SLC24A2: variants seen among roughly 807,000 people sequenced by gnomAD.
The protein encoded by SLC24A2 is solute carrier family 24 member 2.
Under a neutral mutation model 62.0 loss-of-function variants are expected in SLC24A2, and 36 were observed. The ratio of observed to expected loss-of-function variants is 0.58; its 90% CI spans 0.44 to 0.77. The LOEUF (loss-of-function observed/expected upper bound fraction) is 0.77. SLC24A2 is among the 30% of genes least tolerant of loss of function. The pLI, the probability that SLC24A2 is intolerant of heterozygous loss-of-function variation, is 0.00. For synonymous variants in SLC24A2, 358 were observed against 294.0 expected, an observed-to-expected ratio of 1.22 and a Z score of -2.23; for missense variants, 846 against 817.9, an observed-to-expected ratio of 1.03 and a Z score of -0.42.
At chr9:20,118,492 A>C in the SLC24A2 span, among the ~76,000 whole-genome samples, 2 of 152,120 alleles carry the variant, frequency 1.3e-5, no homozygotes, top group Non-Finnish European at 2.9e-5. Context: ...TTTGTTGGAC[A>C]TTGTGGATTC....
chr9:19,821,650 A>G, the SLC24A2 span, among the ~76,000 whole-genome samples: 1 of 152,064 alleles, frequency 6.6e-6, no homozygotes, highest in Non-Finnish European at 1.5e-5. Context: ...TCTATTTCTT[A>G]GATCAGAATT....
chr9:19,642,876 T>A (rs570053332), intron 2 of SLC24A2, among the ~76,000 whole-genome samples: 1 of 151,496 alleles, frequency 6.6e-6, no homozygotes, highest in Admixed American at 6.6e-5. Context: ...GAGACGGGGT[T>A]TCACCGTGTT....
At chr9:19,631,037 C>G (rs1000712525) in intron 2 of SLC24A2, among the ~76,000 whole-genome samples, 8 of 152,164 alleles carry the variant, frequency 5.3e-5, no homozygotes, top group Non-Finnish European at 7.4e-5. Flanking sequence ...CCACTTCCTC[C>G]CTAGTTCATT....
At chr9:20,257,879 G>A in the SLC24A2 span, among the ~76,000 whole-genome samples, 1 of 152,160 alleles carries the variant, frequency 6.6e-6, no homozygotes, top group African/African-American at 2.4e-5. Flanking sequence ...CAGAAACAGT[G>A]TTTTCCATGA....
At chr9:19,523,733 G>A (rs1833304002) in intron 9 of SLC24A2, among the ~76,000 whole-genome samples, 1 of 152,284 alleles carries the variant, frequency 6.6e-6, no homozygotes, top group East Asian at 1.9e-4. Context: ...AAAGTGCTGG[G>A]ATTGCAGGGG....
chr9:20,063,653 T>A, the SLC24A2 span, among the ~76,000 whole-genome samples: 1 of 151,638 alleles, frequency 6.6e-6, no homozygotes, highest in Admixed American at 6.6e-5. Context: ...AATAAAAAAA[T>A]AAAAATAAAA....
Position 19,518,108 on chromosome 9 carries a change from T to A in SLC24A2, c.1737-1706A>T, listed in dbSNP as rs530207882. Among the ~76,000 whole-genome samples, 18 of 152,298 alleles carry A rather than the reference T, an allele frequency of 1.2e-4. No individual in the cohort carries two copies. In the South Asian group the frequency reaches 1.9e-3, roughly 16 times the overall value. ...AAATAACTGAAAATGCAGATTAAACTTTACTCAGAAAATGATCATTTCAGT... is the reference window on the plus strand; with the variant it reads ...AAATAACTGAAAATGCAGATTAAACATTACTCAGAAAATGATCATTTCAGT... On this transcript the variant is annotated intron_variant, in intron 10 of 10. Transcript: ENST00000341998.
At chr9:19,862,976 T>A in the SLC24A2 span, among the ~76,000 whole-genome samples, 1 of 151,730 alleles carries the variant, frequency 6.6e-6, no homozygotes, top group Non-Finnish European at 1.5e-5. Flanking sequence ...AATAACAATA[T>A]GACAGGAGTA....
chr9:19,606,447 T>C (rs1418003183), intron 4 of SLC24A2, among the ~76,000 whole-genome samples: 2 of 152,220 alleles, frequency 1.3e-5, no homozygotes, highest in African/African-American at 4.8e-5. Flanking sequence ...TTACTGCAAC[T>C]GCATATCTAA....
chr9:19,722,633 C>G (rs1821059619), intron 2 of SLC24A2, among the ~76,000 whole-genome samples: 1 of 139,310 alleles, frequency 7.2e-6, no homozygotes, highest in African/African-American at 2.8e-5. Context: ...ATTAGGTTCT[C>G]TGGGAAGTTA....
At chr9:20,170,234 C>A in the SLC24A2 span, among the ~76,000 whole-genome samples, 3 of 151,876 alleles carry the variant, frequency 2.0e-5, no homozygotes, top group South Asian at 6.2e-4. Context: ...AAAAATACTT[C>A]TAGGAATAAA....
chr9:20,213,019 G>A, the SLC24A2 span, among the ~76,000 whole-genome samples: 238 of 151,758 alleles, frequency 1.6e-3, 4 homozygotes, highest in Non-Finnish European at 1.2e-3. Flanking sequence ...GAGGCCTGAC[G>A]GAGGGTGTGT....
At chr9:20,092,785 A>G in the SLC24A2 span, among the ~76,000 whole-genome samples, 1 of 152,184 alleles carries the variant, frequency 6.6e-6, no homozygotes, top group South Asian at 2.1e-4. Flanking sequence ...TTTCTAGTAA[A>G]CAATGCAGTG....
the SLC24A2 span, among the ~76,000 whole-genome samples, chr9:20,199,244 T>G: frequency 6.6e-6 from 1 of 152,168 alleles, no homozygotes; most frequent in African/African-American, 2.4e-5. Flanking sequence ...TCTGTGAAAC[T>G]CAGGCGGGAT....
At chr9:19,670,390 C>G (rs765159067) in intron 2 of SLC24A2, among the ~76,000 whole-genome samples, 2 of 152,074 alleles carry the variant, frequency 1.3e-5, no homozygotes, top group Non-Finnish European at 2.9e-5. Flanking sequence ...TTACAAAAAT[C>G]AACTCTACAA....
chr9:19,541,396 C>T (rs1205681331), intron 8 of SLC24A2, among the ~76,000 whole-genome samples: 3 of 151,148 alleles, frequency 2.0e-5, no homozygotes, highest in Non-Finnish European at 3.0e-5. Context: ...TGTAGATGTC[C>T]TTTCTGGTCG....
the SLC24A2 span, among the ~76,000 whole-genome samples, chr9:20,156,286 A>C: frequency 2.0e-5 from 3 of 151,936 alleles, no homozygotes; most frequent in East Asian, 5.8e-4. Flanking sequence ...AAACAAATTT[A>C]TCTCACAAAT....
the SLC24A2 span, among the ~76,000 whole-genome samples, chr9:20,047,400 G>A: frequency 4.6e-5 from 7 of 151,978 alleles, no homozygotes; most frequent in East Asian, 1.2e-3. Context: ...AAAGGTCAGA[G>A]TCAGGTTAAA....
the SLC24A2 span, among the ~76,000 whole-genome samples, chr9:20,074,184 G>A: frequency 6.6e-6 from 1 of 151,964 alleles, no homozygotes; most frequent in South Asian, 2.1e-4. Context: ...TTAGAATTCT[G>A]ATTTATACGC....
Sources: allele counts gnomAD v4.1 joint callset (sites outside exome capture counted in the v4.1 genomes callset), GRCh38; gene constraint gnomAD v4.1.1; transcripts MANE v1.5; gene names NCBI Gene and HGNC (gene_info 2026-07-23, HGNC 2026-07-21).